LOXL3: variants seen among roughly 807,000 people sequenced by gnomAD.
LOXL3 encodes lysyl oxidase homolog 3.
Under a neutral mutation model 91.8 loss-of-function variants are expected in LOXL3, and 60 were observed. That is an observed-to-expected ratio of 0.65 (90% CI 0.53 to 0.81). LOXL3 has a LOEUF of 0.81. Among genes scored for constraint, LOXL3 ranks in the 30% least tolerant of loss-of-function variants. The pLI, the probability that LOXL3 is intolerant of heterozygous loss-of-function variation, is 0.00. For missense variants in LOXL3, 874 were observed against 1,000.4 expected (o/e 0.87, Z 1.70); for synonymous variants, 355 against 387.6 (o/e 0.92, Z 0.99).
Position 74,549,922 on chromosome 2 carries a change from G to A in LOXL3, c.477+263C>T, listed in dbSNP as rs970084980. The A allele has an allele frequency of 3.0e-6, 3 of 985,338 alleles. No homozygotes were observed. The African/African-American group carries it at 5.2e-5, about 17-fold the overall frequency. The allele number at this position is 985,338 out of a possible 1,614,324, so 61.0% of individuals were successfully genotyped here. A position where few individuals can be genotyped will look rare whatever the true frequency, so the allele number is the denominator to read the frequency against. On this transcript the variant is annotated intron_variant, in intron 3 of 13. Coordinates refer to ENST00000264094, the MANE Select transcript of LOXL3 (RefSeq NM_032603.5). The surrounding 1 kb of genome is among the most constrained non-coding windows in gnomAD (Gnocchi z 5.3). Reference sequence around the variant, plus strand: ...GTCTCAGGAAAGCAGGAACATTTGAGGAGAAGGAGAGCACCAGGTGCCCCA... The same window carrying A: ...GTCTCAGGAAAGCAGGAACATTTGAAGAGAAGGAGAGCACCAGGTGCCCCA...
chr2:74,555,061 C>T (rs1417049904), upstream of LOXL3: 1 of 1,484,168 alleles, frequency 6.7e-7, no homozygotes, highest in Non-Finnish European at 9.0e-7. The surrounding 1 kb of genome is among the most constrained non-coding windows in gnomAD (Gnocchi z 6.1). Flanking sequence ...GCCCCAGATC[C>T]CAAATCGACT....
At chr2:74,542,777 A>C (rs1294000179) in intron 4 of LOXL3, among the ~76,000 whole-genome samples, 1 of 151,984 alleles carries the variant, frequency 6.6e-6, no homozygotes, top group Non-Finnish European at 1.5e-5. Context: ...GGCACGCACC[A>C]CCACAGCCAG....
At chr2:74,554,532 G>GC, upstream of LOXL3, 1 of 571,282 alleles carries the variant, frequency 1.8e-6, no homozygotes, top group Non-Finnish European at 3.1e-6. This position sits in a 1 kb window ranked among gnomAD's most constrained non-coding sequence, Gnocchi z 4.9. Context: ...CCACTGGCGC[G>GC]CCCCCACGAC....
intron 4 of LOXL3, among the ~76,000 whole-genome samples, chr2:74,541,472 T>C (rs1282365518): frequency 1.3e-5 from 2 of 152,276 alleles, no homozygotes; most frequent in Admixed American, 6.5e-5. Context: ...GTGTCCAAAG[T>C]GTTGGACATT....
chr2:74,555,140 C>T (rs1253648776), upstream of LOXL3: 1 of 1,603,920 alleles, frequency 6.2e-7, no homozygotes, highest in East Asian at 2.2e-5. The surrounding 1 kb of genome is among the most constrained non-coding windows in gnomAD (Gnocchi z 6.1). Flanking sequence ...CGAGCACTCT[C>T]TCTCTCTCCC....
At position 74,549,506 on chromosome 2, in the gene LOXL3, C is replaced by A; in HGVS notation, c.555G>T (p.Thr185=). 2 of 1,613,752 alleles carry A rather than the reference C, an allele frequency of 1.2e-6. No homozygotes were observed. The highest frequency in any genetic ancestry group is 1.7e-6 in the Non-Finnish European group (2 of 1,179,878). Reference sequence around the variant, plus strand: ...GAAGCCTGACTTCCACCAGCCCCTCCGTCACGGGCAGGGGTCGTCTGCCCC... The same window carrying A: ...GAAGCCTGACTTCCACCAGCCCCTCAGTCACGGGCAGGGGTCGTCTGCCCC... The part of the protein sequence containing the change: ...VGWGRRPLPV[T]EGLVEVRLPD... The change falls in exon 4 of 14, where the codon ACG becomes ACT. Residue 185 remains threonine (T), a synonymous_variant. Coordinates refer to ENST00000264094, the MANE Select transcript of LOXL3 (RefSeq NM_032603.5). This position sits in a 1 kb window ranked among gnomAD's most constrained non-coding sequence, Gnocchi z 5.3.
In LOXL3 at chr2:74,550,215, G is replaced by A. The variant is rs1342212982; in HGVS notation, c.447C>T (p.Leu149=). 1 of 1,613,946 alleles carries A rather than the reference G, an allele frequency of 6.2e-7. No individual in the cohort carries two copies. Among genetic ancestry groups the A allele is most frequent in the Non-Finnish European group, 8.5e-7 (1 of 1,179,996 alleles). ...DAGVICKDQR[L]PGFSDSNVIE... is the part of the protein sequence containing the mutation. Reference sequence around the variant, plus strand: ...TGACATTGGAGTCCGAGAAGCCAGGGAGGCGCTGGTCTTTGCAGATGACCC... The same window carrying A: ...TGACATTGGAGTCCGAGAAGCCAGGAAGGCGCTGGTCTTTGCAGATGACCC... Residue 149 remains leucine, a synonymous_variant, in exon 3 of 14, where the codon CTC becomes CTT. Coordinates refer to ENST00000264094, the MANE Select transcript of LOXL3 (RefSeq NM_032603.5).
At chr2:74,537,789 T>G (rs1378467177) in intron 4 of LOXL3, among the ~76,000 whole-genome samples, 2 of 152,178 alleles carry the variant, frequency 1.3e-5, no homozygotes, top group Admixed American at 6.5e-5. Flanking sequence ...ATGGGGGGAC[T>G]TCTTTATCGA....
chr2:74,536,876 C>A lies in LOXL3; in HGVS notation c.745G>T (p.Val249Leu). The change falls in exon 5 of 14, where the codon GTG (valine) becomes TTG (leucine). Residue 249 changes from valine (V) to leucine (L), a missense_variant. Coordinates refer to ENST00000264094, the MANE Select transcript of LOXL3 (RefSeq NM_032603.5). The surrounding 1 kb of genome is among the most constrained non-coding windows in gnomAD (Gnocchi z 4.5). ...HSFGLHGVAC[V>L]GTEAHLSLCS... ...AGGGAGAGGTGGGCCTCCGTGCCCA[C>A]GCACGCCACCCCATGCAGACCAAAG... 2 of 1,614,206 alleles carry A rather than the reference C, an allele frequency of 1.2e-6. No homozygotes were observed. The highest frequency in any genetic ancestry group is 1.1e-5 in the South Asian group (1 of 91,086).
In LOXL3 at chr2:74,548,409, G is replaced by T. The variant is rs139129468; in HGVS notation, c.692+960C>A. On this transcript the variant is annotated intron_variant, in intron 4 of 13. Transcript: ENST00000264094. ...AGTTCAGTATAAGCAGTGGGAAGCT[G>T]CCGCAGTAGGAAGACAGTGTAATCC... 1.4e-4 allele frequency among the ~76,000 whole-genome samples: 21 copies of T among 152,338 alleles called. No homozygotes were observed. The East Asian group carries it at 4.0e-3, about 29-fold the overall frequency.
chr2:74,553,663 C>G (rs1252676318), intron 1 of LOXL3, among the ~76,000 whole-genome samples: 1 of 151,996 alleles, frequency 6.6e-6, no homozygotes, highest in Non-Finnish European at 1.5e-5. Flanking sequence ...TCCCTTAGGG[C>G]GCTCCTGGCG....
Position 74,549,282 on chromosome 2 carries a change from C to T in LOXL3, c.692+87G>A. The T allele has an allele frequency of 7.1e-7, 1 of 1,410,310 alleles. No homozygotes were observed. Among genetic ancestry groups the T allele is most frequent in the Non-Finnish European group, 9.3e-7 (1 of 1,071,990 alleles). The allele number at this position is 1,410,310 out of a possible 1,614,324, so 87.4% of individuals were successfully genotyped here. ...CCCGACCCCCGGGTCCTCCCGTGCC[C>T]CGGACCTGCTCAGATGTCTCCCAAG... On this transcript the variant is annotated intron_variant, in intron 4 of 13. Transcript: ENST00000264094. This position sits in a 1 kb window ranked among gnomAD's most constrained non-coding sequence, Gnocchi z 5.3.
In LOXL3 at chr2:74,535,937, G is replaced by A. The variant is rs1675992821; in HGVS notation, c.1248+59C>T. On this transcript the variant is annotated intron_variant, in intron 7 of 13. Transcript: ENST00000264094. This position sits in a 1 kb window ranked among gnomAD's most constrained non-coding sequence, Gnocchi z 4.2. ...GCTGGGGGCCATTGGACTGTAGATT[G>A]GAGACCAGACCTGGATAGGATGAAA... The A allele has an allele frequency of 1.6e-5, 24 of 1,515,658 alleles. No homozygotes were observed. In the South Asian group the frequency reaches 3.0e-4, roughly 19 times the overall value. The allele number at this position is 1,515,658 out of a possible 1,614,324, so 93.9% of individuals were successfully genotyped here.
chr2:74,543,739 A>C (rs558945494), intron 4 of LOXL3, among the ~76,000 whole-genome samples: 9 of 151,620 alleles, frequency 5.9e-5, no homozygotes, highest in East Asian at 5.9e-4. Flanking sequence ...AAAAATACCC[A>C]AAAATCAGCA....
At chr2:74,547,265 C>T (rs1033961971) in intron 4 of LOXL3, among the ~76,000 whole-genome samples, 2 of 152,146 alleles carry the variant, frequency 1.3e-5, no homozygotes, top group African/African-American at 4.8e-5. Context: ...ATAATGCTTC[C>T]ACCGTGGCCT....
Position 74,534,443 on chromosome 2 carries a change from A to G in LOXL3, c.1824-12T>C, listed in dbSNP as rs1675864714. The G allele has an allele frequency of 6.2e-7, 1 of 1,613,942 alleles. No individual in the cohort carries two copies. Among genetic ancestry groups the G allele is most frequent in the South Asian group, 1.1e-5 (1 of 91,082 alleles). On this transcript the variant is annotated splice_polypyrimidine_tract_variant and intron_variant, in intron 10 of 13. Transcript: ENST00000264094. Reference sequence around the variant, plus strand: ...TGCTGTGGTAATGCCTGTGGGGAGAAGGGAACTTCTGTTTCCTTCTCTGCC... The same window carrying G: ...TGCTGTGGTAATGCCTGTGGGGAGAGGGGAACTTCTGTTTCCTTCTCTGCC...
At chr2:74,548,654 G>A (rs1044693831) in intron 4 of LOXL3, among the ~76,000 whole-genome samples, 13 of 152,296 alleles carry the variant, frequency 8.5e-5, no homozygotes, top group East Asian at 3.9e-4. Context: ...GTCAATGGCA[G>A]TTTCTCAAAA....
chr2:74,536,588 G>A lies in LOXL3; in HGVS notation c.913-117C>T. The stretch of plus-strand genomic sequence containing the variant: ...AGGGAGTGGGTGGTATCAGGTCTGT[G>A]GCCCACCCCCTGGAAGGCTCCTCTC... On this transcript the variant is annotated intron_variant, in intron 5 of 13. Coordinates refer to ENST00000264094, the MANE Select transcript of LOXL3 (RefSeq NM_032603.5). This position sits in a 1 kb window ranked among gnomAD's most constrained non-coding sequence, Gnocchi z 4.5. The A allele has an allele frequency of 7.0e-7, 1 of 1,438,472 alleles. No homozygotes were observed. Among genetic ancestry groups the A allele is most frequent in the Non-Finnish European group, 9.6e-7 (1 of 1,046,856 alleles). 89.1% of individuals were successfully genotyped at this position (1,438,472 alleles called of 1,614,324 possible).
upstream of LOXL3, chr2:74,554,782 C>T: frequency 6.2e-7 from 1 of 1,614,106 alleles, no homozygotes; most frequent in Non-Finnish European, 8.5e-7. This position sits in a 1 kb window ranked among gnomAD's most constrained non-coding sequence, Gnocchi z 4.9. Context: ...GGAAGGGCCG[C>T]TTTTTTTGCA....
Sources: allele counts gnomAD v4.1 joint callset (sites outside exome capture counted in the v4.1 genomes callset), GRCh38; gene constraint gnomAD v4.1.1; non-coding constraint Gnocchi (gnomAD v3.1); transcripts MANE v1.5; gene names NCBI Gene and HGNC (gene_info 2026-07-23, HGNC 2026-07-21).